The following ZFP64 variants were observed in gnomAD, a reference collection of about 807,000 sequenced individuals.
ZFP64 encodes zinc finger protein 64.
A neutral mutation model predicts 51.6 loss-of-function variants in ZFP64; 14 were observed. That is an observed-to-expected ratio of 0.27 (90% confidence interval 0.18 to 0.42). ZFP64 has a LOEUF of 0.42. ZFP64 is among the 10% of genes least tolerant of loss of function. ZFP64 has a pLI of 1.00. For synonymous variants in ZFP64, 375 were observed against 361.4 expected (o/e 1.04, Z -0.43); for missense variants, 754 against 906.8 (o/e 0.83, Z 2.16).
chr20:52,153,114 T>C lies in ZFP64; in HGVS notation c.1078A>G (p.Ile360Val). 6.2e-7 allele frequency: 1 copy of C among 1,614,214 alleles called. No homozygotes were observed. The highest frequency in any genetic ancestry group is 8.5e-7 in the Non-Finnish European group (1 of 1,180,042). ...TCGGTGCAGTGGATACGCTCGTGGATGCGCAGGGCGGCCTTGCTGGAGCAG... is the reference window on the plus strand; with the variant it reads ...TCGGTGCAGTGGATACGCTCGTGGACGCGCAGGGCGGCCTTGCTGGAGCAG... ...YSCSSKAALRIHERIHCTDRP... is the reference protein window; with the variant it reads ...YSCSSKAALRVHERIHCTDRP... The change falls in exon 6 of 6, where the codon ATC becomes GTC. Residue 360 changes from isoleucine (I) to valine (V), a missense_variant. Around this residue, in one of 3 missense-constraint regions of ZFP64, gnomAD observed 428 missense variants for 472.4 expected, o/e 0.91. Coordinates refer to ENST00000216923, the MANE Select transcript of ZFP64 (RefSeq NM_018197.3). The surrounding 1 kb of genome is among the most constrained non-coding windows in gnomAD (Gnocchi z 5.1).
chr20:52,172,221 TTG>T (rs537503128), intron 2 of ZFP64, among the ~76,000 whole-genome samples: 16 of 147,766 alleles, frequency 1.1e-4, no homozygotes, highest in Admixed American at 1.3e-4. Flanking sequence ...GTGTGTGTGT[TTG>T]TGTGTGTGTG....
At chr20:52,136,729 T>C (rs1980000927) in intron 5 of ZFP64, among the ~76,000 whole-genome samples, 1 of 152,182 alleles carries the variant, frequency 6.6e-6, no homozygotes, top group Non-Finnish European at 1.5e-5. Flanking sequence ...GTTTTTCAAA[T>C]TATATAATAT....
At chr20:52,147,353 C>T (rs562170211), downstream of ZFP64, among the ~76,000 whole-genome samples, 11 of 152,118 alleles carry the variant, frequency 7.2e-5, no homozygotes, top group South Asian at 2.1e-3. Flanking sequence ...ACCTAAGTAC[C>T]ATAAAAACCA....
intron 4 of ZFP64, among the ~76,000 whole-genome samples, chr20:52,163,218 G>A (rs769200896): frequency 2.4e-4 from 37 of 152,026 alleles, no homozygotes; most frequent in Non-Finnish European, 4.9e-4. Flanking sequence ...AAAATTAGCC[G>A]GGTGTGTTGG....
At chr20:52,144,072 C>T (rs1279677680) in intron 5 of ZFP64, among the ~76,000 whole-genome samples, 1 of 130,244 alleles carries the variant, frequency 7.7e-6, no homozygotes, top group Non-Finnish European at 1.7e-5. Flanking sequence ...GCTGATTCCC[C>T]CTTTAATTAA....
intron 5 of ZFP64, among the ~76,000 whole-genome samples, chr20:52,099,676 C>T (rs2079030099): frequency 6.6e-6 from 1 of 152,138 alleles, no homozygotes; most frequent in Non-Finnish European, 1.5e-5. Flanking sequence ...GAAACATTTA[C>T]AAGTTGTATG....
At chr20:52,140,151 C>T (rs1422990744) in intron 5 of ZFP64, among the ~76,000 whole-genome samples, 1 of 152,166 alleles carries the variant, frequency 6.6e-6, no homozygotes, top group African/African-American at 2.4e-5. Context: ...TTCCCCATCT[C>T]TCTCCCTCTA....
intron 6 of ZFP64, chr20:52,097,565 C>T: frequency 1.3e-6 from 1 of 769,506 alleles, no homozygotes; most frequent in Admixed American, 2.6e-5. Context: ...AGAGATTACC[C>T]TGTTTCAGCC....
At chr20:52,149,532 A>G (rs1313882412), downstream of ZFP64, among the ~76,000 whole-genome samples, 3 of 152,218 alleles carry the variant, frequency 2.0e-5, no homozygotes, top group Non-Finnish European at 4.4e-5. Flanking sequence ...AACCTTTTCT[A>G]TGTTATCTTT....
At chr20:52,161,020 G>A (rs1427606125) in intron 4 of ZFP64, among the ~76,000 whole-genome samples, 1 of 152,156 alleles carries the variant, frequency 6.6e-6, no homozygotes, top group Non-Finnish European at 1.5e-5. Flanking sequence ...GCAGGTGAGT[G>A]AGCAGCTGAG....
intron 5 of ZFP64, among the ~76,000 whole-genome samples, chr20:52,144,998 G>C (rs553833637): frequency 6.6e-5 from 10 of 152,114 alleles, no homozygotes; most frequent in Non-Finnish European, 1.3e-4. Context: ...CAGTGAAAAA[G>C]AGTATCAGCC....
intron 2 of ZFP64, among the ~76,000 whole-genome samples, chr20:52,185,387 A>G (rs764896047): frequency 5.9e-5 from 9 of 152,198 alleles, no homozygotes; most frequent in Non-Finnish European, 1.0e-4. Context: ...GTCTTTATGT[A>G]TATTTTAAAA....
intron 4 of ZFP64, 83 bp downstream of exon 4, chr20:52,164,612 T>A: frequency 8.7e-7 from 1 of 1,151,756 alleles, no homozygotes; most frequent in Non-Finnish European, 1.3e-6. Flanking sequence ...TGGAGTGGTA[T>A]CATTCGTCTG....
At chr20:52,126,932 A>C (rs1979474232) in intron 5 of ZFP64, among the ~76,000 whole-genome samples, 1 of 150,578 alleles carries the variant, frequency 6.6e-6, no homozygotes, top group South Asian at 2.1e-4. Context: ...TTTTTAAAGG[A>C]AGTGATATGG....
At chr20:52,096,970 C>A (rs991316498) in intron 7 of ZFP64, 11 of 499,274 alleles carry the variant, frequency 2.2e-5, no homozygotes, top group Admixed American at 7.2e-5. Flanking sequence ...CTTGTAAGGC[C>A]AGAAAGCTGC....
chr20:52,132,704 A>C (rs1399814457), intron 5 of ZFP64, among the ~76,000 whole-genome samples: 2 of 152,200 alleles, frequency 1.3e-5, no homozygotes, highest in African/African-American at 2.4e-5. Context: ...AACGAGATCA[A>C]AACCACAATA....
chr20:52,180,758 T>C (rs1037774550), intron 2 of ZFP64, among the ~76,000 whole-genome samples: 10 of 152,044 alleles, frequency 6.6e-5, no homozygotes, highest in African/African-American at 2.4e-4. Context: ...CCATCAGAGA[T>C]GAGTTCTATC....
chr20:52,100,914 G>A (rs904262276), intron 5 of ZFP64, among the ~76,000 whole-genome samples: 19 of 152,188 alleles, frequency 1.2e-4, no homozygotes, highest in African/African-American at 2.2e-4. Context: ...GATGTCGCAA[G>A]TGAGGACTAC....
chr20:52,164,326 T>C (rs1982065128), intron 4 of ZFP64, among the ~76,000 whole-genome samples: 1 of 152,140 alleles, frequency 6.6e-6, no homozygotes, highest in Admixed American at 6.6e-5. Flanking sequence ...TCTCTCCCCT[T>C]ATTCCTCTCT....
Sources: allele counts gnomAD v4.1 joint callset (sites outside exome capture counted in the v4.1 genomes callset), GRCh38; gene constraint gnomAD v4.1.1; regional missense constraint gnomAD v4.1.1; non-coding constraint Gnocchi (gnomAD v3.1); transcripts MANE v1.5; gene names NCBI Gene and HGNC (gene_info 2026-07-23, HGNC 2026-07-21).